The following LNX1 variants were observed in gnomAD, a reference collection of about 807,000 sequenced individuals.
The protein encoded by LNX1 is ligand of numb-protein X 1.
LNX1 carries 54 observed loss-of-function variants against 68.4 expected under a neutral mutation model. The ratio of observed to expected loss-of-function variants is 0.79; its 90% CI spans 0.63 to 0.99. The LOEUF is 0.99. Ranked by LOEUF, LNX1 falls within the 50% of genes least tolerant of loss-of-function variation. The probability of loss-of-function intolerance (pLI) is 0.00; values close to 1 mark genes in which losing one functional copy is unlikely to be tolerated. For missense variants in LNX1, 906 were observed against 926.4 expected (o/e 0.98, Z 0.29); for synonymous variants, 336 against 350.0 (o/e 0.96, Z 0.45).
At chr4:53,645,953 C>T (rs1402571701) in intron 1 of LNX1, among the ~76,000 whole-genome samples, 1 of 152,150 alleles carries the variant, frequency 6.6e-6, no homozygotes, top group Non-Finnish European at 1.5e-5. Flanking sequence ...ATTTCTACTC[C>T]AAGTCAGATG....
intron 6 of LNX1, among the ~76,000 whole-genome samples, chr4:53,490,318 G>T (rs1201579196): frequency 6.6e-6 from 1 of 152,152 alleles, no homozygotes; most frequent in Non-Finnish European, 1.5e-5. Flanking sequence ...TGTTATCTTA[G>T]CTATGACATC....
chr4:53,531,636 A>C (rs73145499), intron 2 of LNX1, among the ~76,000 whole-genome samples: 2,001 of 152,318 alleles, frequency 0.013, 43 homozygotes, highest in African/African-American at 0.045. Flanking sequence ...GCCTGGGGTG[A>C]ATGTAAAGGG....
At chr4:53,573,535 T>C in intron 2 of LNX1, 88 bp downstream of exon 2, 6 of 800,796 alleles carry the variant, frequency 7.5e-6, no homozygotes, top group Non-Finnish European at 1.2e-5. Context: ...ATTTCATTGG[T>C]TGGAAGCCCT....
chr4:53,568,013 C>T lies in LNX1; in HGVS notation c.380+5610G>A, dbSNP rs1730827276. Among the ~76,000 whole-genome samples the T allele has an allele frequency of 2.0e-5, 3 of 152,010 alleles. No homozygotes were observed. The South Asian group carries it at 6.2e-4, about 31-fold the overall frequency. On this transcript the variant is annotated intron_variant, in intron 2 of 10. Coordinates refer to ENST00000263925, the MANE Select transcript of LNX1 (RefSeq NM_001126328.3). Reference sequence around the variant, plus strand: ...ATTGTGGCAATAATCAGTAGCTTACCAACCAAAAGGAGTCCAGGACCAGAT... The same window carrying T: ...ATTGTGGCAATAATCAGTAGCTTACTAACCAAAAGGAGTCCAGGACCAGAT...
At chr4:53,477,126 C>T in intron 8 of LNX1, 145 bp from the exon 9 acceptor site, 1 of 726,270 alleles carries the variant, frequency 1.4e-6, no homozygotes, top group Non-Finnish European at 2.4e-6. Context: ...GCTGGGTGCT[C>T]ACATAGCAAA....
intron 2 of LNX1, among the ~76,000 whole-genome samples, chr4:53,614,189 A>C (rs1460236455): frequency 6.6e-6 from 1 of 152,032 alleles, no homozygotes; most frequent in East Asian, 1.9e-4. Flanking sequence ...ATTTAAGTCC[A>C]TTGTAGATGC....
At chr4:53,482,952 A>G (rs1053922504) in intron 6 of LNX1, among the ~76,000 whole-genome samples, 2 of 152,202 alleles carry the variant, frequency 1.3e-5, no homozygotes, top group African/African-American at 4.8e-5. Flanking sequence ...TGCTATGTAC[A>G]TTGATATTTG....
upstream of LNX1, among the ~76,000 whole-genome samples, chr4:53,595,400 T>G (rs945370018): frequency 2.0e-5 from 3 of 152,246 alleles, no homozygotes; most frequent in African/African-American, 7.2e-5. Context: ...GTTGACTACT[T>G]TTCTCATGAT....
chr4:53,518,805 T>C (rs79066530), intron 2 of LNX1, among the ~76,000 whole-genome samples: 1,979 of 152,276 alleles, frequency 0.013, 42 homozygotes, highest in African/African-American at 0.044. Flanking sequence ...GGGGCAACTG[T>C]AACATGGGAC....
intron 1 of LNX1, among the ~76,000 whole-genome samples, chr4:53,576,607 G>A (rs1731502337): frequency 6.6e-6 from 1 of 151,680 alleles, no homozygotes; most frequent in South Asian, 2.1e-4. Context: ...GCTAAGGGGA[G>A]GGGAAACATT....
intron 1 of LNX1, among the ~76,000 whole-genome samples, chr4:53,630,628 C>T (rs910675438): frequency 7.9e-5 from 12 of 152,240 alleles, no homozygotes; most frequent in Middle Eastern, 3.4e-3. Flanking sequence ...ACAGAAACTT[C>T]CTTCAGGCAC....
At chr4:53,526,374 T>C (rs1424897063) in intron 2 of LNX1, among the ~76,000 whole-genome samples, 1 of 152,164 alleles carries the variant, frequency 6.6e-6, no homozygotes, top group Non-Finnish European at 1.5e-5. Flanking sequence ...ATGTCTGAAT[T>C]ACCAACTGAT....
At chr4:53,545,856 G>A (rs1445863369) in intron 2 of LNX1, among the ~76,000 whole-genome samples, 3 of 145,528 alleles carry the variant, frequency 2.1e-5, no homozygotes, top group African/African-American at 7.7e-5. Context: ...CGCCCAGGCT[G>A]GAGTACAATG....
chr4:53,477,107 T>C, intron 8 of LNX1, 126 bp from the exon 9 acceptor site: 1 of 802,818 alleles, frequency 1.2e-6, no homozygotes, highest in South Asian at 1.4e-5. Flanking sequence ...TTTTCTTTGT[T>C]GACGGGAGGC....
At chr4:53,545,607 T>G (rs1419854163) in intron 2 of LNX1, among the ~76,000 whole-genome samples, 1 of 152,198 alleles carries the variant, frequency 6.6e-6, no homozygotes, top group South Asian at 2.1e-4. Flanking sequence ...TCATCTCTGA[T>G]GTTTATAGTG....
chr4:53,488,397 C>T (rs1724465460), intron 6 of LNX1, among the ~76,000 whole-genome samples: 1 of 152,200 alleles, frequency 6.6e-6, no homozygotes, highest in African/African-American at 2.4e-5. Context: ...TCCAGGTCAA[C>T]TATTCCTAGT....
At chr4:53,470,233 A>T (rs1363036250) in intron 9 of LNX1, among the ~76,000 whole-genome samples, 1 of 152,246 alleles carries the variant, frequency 6.6e-6, no homozygotes, top group Non-Finnish European at 1.5e-5. Flanking sequence ...AAAACCAAAG[A>T]CAAAAACCAC....
At chr4:53,619,901 C>T (rs1294215397), upstream of LNX1, among the ~76,000 whole-genome samples, 2 of 152,134 alleles carry the variant, frequency 1.3e-5, no homozygotes, top group Admixed American at 6.6e-5. Flanking sequence ...TTAATTATAA[C>T]CATCCCAGTG....
intron 2 of LNX1, among the ~76,000 whole-genome samples, chr4:53,554,257 T>G (rs1729726652): frequency 6.6e-6 from 1 of 152,232 alleles, no homozygotes. Flanking sequence ...AAGTCCCCAG[T>G]AAAACCCAGT....
Sources: allele counts gnomAD v4.1 joint callset (sites outside exome capture counted in the v4.1 genomes callset), GRCh38; gene constraint gnomAD v4.1.1; transcripts MANE v1.5; gene names NCBI Gene and HGNC (gene_info 2026-07-23, HGNC 2026-07-21).